INSL6: variants seen among roughly 807,000 people sequenced by gnomAD.
INSL6 encodes insulin-like peptide INSL6.
Under a neutral mutation model 9.4 loss-of-function variants are expected in INSL6, and 16 were observed. The ratio of observed to expected loss-of-function variants is 1.70; its 90% CI spans 1.15 to 2.59. The LOEUF is 2.59. Among genes scored for constraint, INSL6 ranks in the 30% most tolerant of loss-of-function variants. The pLI is 0.00. For synonymous variants in INSL6, 154 were observed against 96.9 expected (o/e 1.59, Z -3.46); for missense variants, 391 against 257.3 (o/e 1.52, Z -3.56).
the INSL6 span, among the ~76,000 whole-genome samples, chr9:5,057,617 C>T: frequency 7.2e-6 from 1 of 139,714 alleles, no homozygotes; most frequent in African/African-American, 2.7e-5. Context: ...GAGTCTTGCC[C>T]TGTCATCCAG....
intron 1 of INSL6, among the ~76,000 whole-genome samples, chr9:5,173,013 A>T (rs1825217261): frequency 6.6e-6 from 1 of 152,226 alleles, no homozygotes; most frequent in Admixed American, 6.5e-5. Flanking sequence ...ACATTTGAAA[A>T]AAAAGCTCAA....
chr9:5,151,723 A>G (rs1160736664), intron 2 of INSL6, among the ~76,000 whole-genome samples: 1 of 152,202 alleles, frequency 6.6e-6, no homozygotes, highest in African/African-American at 2.4e-5. Flanking sequence ...AGAATGCAAA[A>G]AAGGACAAAA....
chr9:5,061,368 C>A, the INSL6 span, among the ~76,000 whole-genome samples: 1 of 152,212 alleles, frequency 6.6e-6, no homozygotes, highest in African/African-American at 2.4e-5. Flanking sequence ...ATTTGAAAAT[C>A]TGTTTGTTAG....
Position 5,127,890 on chromosome 9 carries a change from A to ATAAG in INSL6, c.*11-3383_*11-3380dup, listed in dbSNP as rs1423677411. On this transcript the variant is annotated intron_variant, in intron 3 of 3. Coordinates refer to the INSL6 transcript ENST00000649639. ...CCTTTTTAGAGGGGAAATGAGGTAAATAAGTAAAAAAGTATGCTTGTTAAT... is the reference window on the plus strand; with the variant it reads ...CCTTTTTAGAGGGGAAATGAGGTAAATAAGTAAGTAAAAAAGTATGCTTGTTAAT... 1.5e-4 allele frequency: 36 copies of ATAAG among 232,380 alleles called. No individual in the cohort carries two copies. The Admixed American group carries it at 1.9e-3, about 12-fold the overall frequency. 14.4% of individuals were successfully genotyped at this position (232,380 alleles called of 1,614,324 possible).
At chr9:5,119,411 T>C (rs1436048071), downstream of INSL6, among the ~76,000 whole-genome samples, 1 of 152,018 alleles carries the variant, frequency 6.6e-6, no homozygotes, top group Non-Finnish European at 1.5e-5. Flanking sequence ...TTTTGTATTC[T>C]TTGTCATAAT....
At chr9:5,128,128 T>C (rs1057515601) in intron 3 of INSL6, 24 of 229,504 alleles carry the variant, frequency 1.0e-4, no homozygotes, top group Non-Finnish European at 1.8e-4. Context: ...GTGTTATTTA[T>C]ACAAAACTTA....
chr9:5,096,456 A>G, the INSL6 span, among the ~76,000 whole-genome samples: 2 of 152,218 alleles, frequency 1.3e-5, no homozygotes, highest in Admixed American at 1.3e-4. Context: ...TAACAGCTAA[A>G]TACCCTAATC....
chr9:5,062,105 G>C, the INSL6 span, among the ~76,000 whole-genome samples: 1 of 152,114 alleles, frequency 6.6e-6, no homozygotes, highest in Non-Finnish European at 1.5e-5. Context: ...TCACAGGTTT[G>C]AATTGTGTGG....
chr9:5,044,092 T>G, the INSL6 span, among the ~76,000 whole-genome samples: 66 of 152,376 alleles, frequency 4.3e-4, no homozygotes, highest in African/African-American at 1.5e-3. Context: ...GATTCCCTAC[T>G]GATGTTACTG....
chr9:5,060,983 C>G, the INSL6 span, among the ~76,000 whole-genome samples: 1 of 152,228 alleles, frequency 6.6e-6, no homozygotes, highest in Non-Finnish European at 1.5e-5. Context: ...ACATCTCTGT[C>G]AGAGCGCTTG....
At chr9:5,007,717 T>A in the INSL6 span, among the ~76,000 whole-genome samples, 2 of 149,940 alleles carry the variant, frequency 1.3e-5, no homozygotes, top group Admixed American at 6.6e-5. Flanking sequence ...TTATTATTAT[T>A]ATATTGTCTT....
the INSL6 span, among the ~76,000 whole-genome samples, chr9:5,048,242 A>G: frequency 7.2e-5 from 11 of 152,016 alleles, no homozygotes; most frequent in Non-Finnish European, 1.3e-4. Flanking sequence ...CCCAGGTTCA[A>G]GTGATTCTCC....
At chr9:5,111,503 G>T in the INSL6 span, 1 of 368,372 alleles carries the variant, frequency 2.7e-6, no homozygotes, top group Admixed American at 3.7e-5. Context: ...GGATGCCGCC[G>T]CCTATCCATC....
chr9:5,063,879 C>T, the INSL6 span, among the ~76,000 whole-genome samples: 7 of 152,150 alleles, frequency 4.6e-5, no homozygotes, highest in Non-Finnish European at 5.9e-5. Flanking sequence ...ACAATCAGGC[C>T]GGGCATGGTG....
chr9:5,163,055 T>C (rs995270970), downstream of INSL6, among the ~76,000 whole-genome samples: 8 of 152,190 alleles, frequency 5.3e-5, no homozygotes, highest in East Asian at 1.9e-4. Flanking sequence ...ACTTCAACAA[T>C]AGTCATACAT....
At chr9:5,069,033 C>T in the INSL6 span, 3 of 1,576,116 alleles carry the variant, frequency 1.9e-6, no homozygotes, top group Non-Finnish European at 2.6e-6. Context: ...GAGAAAATGT[C>T]ATTGAATATA....
chr9:5,086,113 TCGGCAGCGGCGCGCGGCCC>T, the INSL6 span: 1 of 465,622 alleles, frequency 2.1e-6, no homozygotes, highest in Non-Finnish European at 4.0e-6. Context: ...TGCGCGGGCA[TCGGCAGCGGCGCGCGGCCC>T]CGGCGGCCCC....
chr9:4,998,730 A>G, the INSL6 span, among the ~76,000 whole-genome samples: 2 of 143,216 alleles, frequency 1.4e-5, no homozygotes, highest in Admixed American at 7.1e-5. Flanking sequence ...AAGACCAAAA[A>G]CCACAAAAAA....
the INSL6 span, chr9:5,022,349 C>T: frequency 3.4e-6 from 2 of 582,952 alleles, no homozygotes; most frequent in African/African-American, 3.8e-5. Flanking sequence ...TTTTCACATG[C>T]ATAGAAAATG....
Sources: gnomAD v4.1 joint callset for allele counts (sites outside exome capture counted in the v4.1 genomes callset) on GRCh38, gnomAD v4.1.1 for gene constraint, MANE v1.5 for transcripts, NCBI Gene and HGNC (gene_info 2026-07-23, HGNC 2026-07-21) for gene names.